Variants in EGFR observed in about 807,000 individuals in gnomAD.
The protein encoded by EGFR is epidermal growth factor receptor.
In EGFR, 58 loss-of-function variants were observed where a neutral mutation model predicts 143.0. The ratio of observed to expected loss-of-function variants is 0.41; its 90% CI spans 0.33 to 0.50. EGFR has a LOEUF of 0.50. Among genes scored for constraint, EGFR ranks in the 20% least tolerant of loss-of-function variants. The probability of loss-of-function intolerance (pLI) is 0.39; values close to 1 mark genes in which losing one functional copy is unlikely to be tolerated. For synonymous variants in EGFR, 613 were observed against 594.4 expected, an observed-to-expected ratio of 1.03 and a Z score of -0.45; for missense variants, 1,307 against 1,579.0, an observed-to-expected ratio of 0.83 and a Z score of 2.92.
chr7:55,160,474 T>C, intron 12 of EGFR, 136 bp downstream of exon 12: 4 of 989,868 alleles, frequency 4.0e-6, no homozygotes, highest in Non-Finnish European at 5.9e-6. Flanking sequence ...ATCTTAAGAT[T>C]CCTAACTGTG....
intron 12 of EGFR, among the ~76,000 whole-genome samples, chr7:55,160,883 T>C (rs143003812): frequency 1.2e-4 from 19 of 152,328 alleles, no homozygotes; most frequent in Non-Finnish European, 2.2e-4. Context: ...TCCTCATCCA[T>C]AGAATGGAGA....
intron 16 of EGFR, among the ~76,000 whole-genome samples, chr7:55,171,674 G>C (rs1786360250): frequency 6.6e-6 from 1 of 152,220 alleles, no homozygotes; most frequent in East Asian, 1.9e-4. Flanking sequence ...GCCCAGCAAA[G>C]GCAAAAGGGC....
At chr7:55,089,268 G>A (rs1176035052) in intron 1 of EGFR, among the ~76,000 whole-genome samples, 1 of 152,150 alleles carries the variant, frequency 6.6e-6, no homozygotes, top group African/African-American at 2.4e-5. Context: ...CTAAAAAGGG[G>A]ATTTAGCTTG....
chr7:55,019,672 T>C (rs1393046186), intron 1 of EGFR, among the ~76,000 whole-genome samples: 1 of 151,864 alleles, frequency 6.6e-6, no homozygotes, highest in East Asian at 2.0e-4. Flanking sequence ...TCCCTCACTT[T>C]CCCCGCCCAG....
At chr7:55,042,147 G>A (rs1787934439) in intron 1 of EGFR, among the ~76,000 whole-genome samples, 1 of 152,164 alleles carries the variant, frequency 6.6e-6, no homozygotes, top group African/African-American at 2.4e-5. Context: ...TTAAGTGCCT[G>A]ATAAAAAGTC....
At position 55,071,696 on chromosome 7, in the gene EGFR, T is replaced by C. The variant is rs561899061; in HGVS notation, c.88+52331T>C. 2.0e-5 allele frequency among the ~76,000 whole-genome samples: 3 copies of C among 152,374 alleles called. No individual in the cohort carries two copies. In the South Asian group the frequency reaches 6.2e-4, roughly 32 times the overall value. The stretch of plus-strand genomic sequence containing the variant: ...CCCAAGGACTCTAAAAAAAGATATT[T>C]TTCTGCTTATATACTAATAATATGT... On this transcript the variant is annotated intron_variant, in intron 1 of 27. Transcript: ENST00000275493.
chr7:55,057,716 G>C (rs1788911842), intron 1 of EGFR, among the ~76,000 whole-genome samples: 1 of 152,166 alleles, frequency 6.6e-6, no homozygotes, highest in Non-Finnish European at 1.5e-5. Flanking sequence ...GGGATTGAGA[G>C]GGGAATTTTG....
chr7:55,149,218 T>G (rs1481622490), intron 4 of EGFR, among the ~76,000 whole-genome samples: 2 of 152,180 alleles, frequency 1.3e-5, no homozygotes, highest in African/African-American at 2.4e-5. Flanking sequence ...GTGCAATGTC[T>G]GATTGCCATG....
intron 27 of EGFR, among the ~76,000 whole-genome samples, chr7:55,203,563 A>G (rs978162394): frequency 3.4e-3 from 35 of 10,298 alleles, no homozygotes; most frequent in Admixed American, 2.3e-3. Flanking sequence ...ACATACACAC[A>G]CCACACACAC....
At chr7:55,022,415 T>C (rs933707396) in intron 1 of EGFR, among the ~76,000 whole-genome samples, 2 of 152,034 alleles carry the variant, frequency 1.3e-5, no homozygotes, top group Non-Finnish European at 2.9e-5. Context: ...TACCCCACCC[T>C]CCCTCCTCAA....
chr7:55,076,995 A>T (rs1447783326), intron 1 of EGFR, among the ~76,000 whole-genome samples: 6 of 151,966 alleles, frequency 3.9e-5, no homozygotes, highest in Middle Eastern at 3.4e-3. Flanking sequence ...CAGTCATAAG[A>T]TACACAAAGG....
At chr7:55,140,105 A>T (rs1397379145) in intron 1 of EGFR, among the ~76,000 whole-genome samples, 1 of 151,984 alleles carries the variant, frequency 6.6e-6, no homozygotes, top group East Asian at 2.0e-4. Context: ...TAAAAGCACA[A>T]GTACAGTTTT....
chr7:55,117,706 A>G (rs770826382), intron 1 of EGFR, among the ~76,000 whole-genome samples: 1 of 152,202 alleles, frequency 6.6e-6, no homozygotes, highest in African/African-American at 2.4e-5. Context: ...AGTGCCCTCA[A>G]CGAAGGAGCA....
At chr7:55,178,282 G>A (rs1350081447) in intron 19 of EGFR, among the ~76,000 whole-genome samples, 1 of 152,218 alleles carries the variant, frequency 6.6e-6, no homozygotes, top group Non-Finnish European at 1.5e-5. Flanking sequence ...TGTGATTTGT[G>A]CTTTCTGGCA....
At chr7:55,101,862 G>A (rs1357285688) in intron 1 of EGFR, among the ~76,000 whole-genome samples, 1 of 152,184 alleles carries the variant, frequency 6.6e-6, no homozygotes, top group African/African-American at 2.4e-5. Context: ...CTAAGGTTGA[G>A]CAACGGAGGT....
chr7:55,043,425 C>A (rs1449421000), intron 1 of EGFR, among the ~76,000 whole-genome samples: 1 of 152,126 alleles, frequency 6.6e-6, no homozygotes, highest in East Asian at 1.9e-4. Flanking sequence ...GTGGTGTGAT[C>A]TCAGCTCACT....
At chr7:55,189,035 C>A (rs186056193) in intron 20 of EGFR, 1 of 152,036 alleles carries the variant, frequency 6.6e-6, no homozygotes, top group Non-Finnish European at 1.5e-5. Flanking sequence ...CAGAGTGACG[C>A]GGACTTCCCC....
intron 24 of EGFR, 57 bp downstream of exon 24, chr7:55,200,470 G>A (rs1470152177): frequency 2.6e-6 from 4 of 1,534,914 alleles, no homozygotes; most frequent in East Asian, 2.2e-5. Context: ...AGCATCTCAT[G>A]TCACTGTGTT....
At chr7:55,109,598 T>C in intron 1 of EGFR, 3 of 341,360 alleles carry the variant, frequency 8.8e-6, no homozygotes, top group Non-Finnish European at 1.2e-5. Context: ...CCTTCCTCGC[T>C]TTCCCATGTG....
Sources: allele counts gnomAD v4.1 joint callset (sites outside exome capture counted in the v4.1 genomes callset), GRCh38; gene constraint gnomAD v4.1.1; transcripts MANE v1.5; gene names NCBI Gene and HGNC (gene_info 2026-07-23, HGNC 2026-07-21).